Variants in TUBGCP3 observed in about 807,000 individuals in gnomAD.
TUBGCP3 encodes tubulin gamma complex component 3, also known as gamma-tubulin complex component 3.
In TUBGCP3, 50 loss-of-function variants were observed where a neutral mutation model predicts 123.1. The observed-to-expected ratio is 0.41, with a 90% CI of 0.32 to 0.51. The LOEUF (loss-of-function observed/expected upper bound fraction) is 0.51, where lower values mean the gene tolerates loss of function less well. TUBGCP3 is among the 20% of genes least tolerant of loss of function. The pLI is 0.36. For missense variants in TUBGCP3, 882 were observed against 1,127.0 expected (o/e 0.78, Z 3.11); for synonymous variants, 405 against 413.9 (o/e 0.98, Z 0.26).
intron 1 of TUBGCP3, among the ~76,000 whole-genome samples, chr13:112,577,095 A>C (rs1210906827): frequency 6.6e-6 from 1 of 152,216 alleles, no homozygotes; most frequent in African/African-American, 2.4e-5. Context: ...CTGATCTTAT[A>C]AAAATTTAAA....
At chr13:112,579,495 G>T (rs577895078) in intron 1 of TUBGCP3, among the ~76,000 whole-genome samples, 1 of 122,178 alleles carries the variant, frequency 8.2e-6, no homozygotes, top group Non-Finnish European at 1.7e-5. Flanking sequence ...CGGAGCTCTC[G>T]CACACTGCTG....
At chr13:112,506,837 G>A (rs993558071) in intron 17 of TUBGCP3, among the ~76,000 whole-genome samples, 6 of 152,286 alleles carry the variant, frequency 3.9e-5, no homozygotes, top group East Asian at 3.9e-4. Context: ...ATGTTCAGCC[G>A]TGTTATGGTT....
chr13:112,516,754 C>CA (rs2139049455), intron 16 of TUBGCP3, among the ~76,000 whole-genome samples, 179 bp from the exon 17 acceptor site: 1 of 152,216 alleles, frequency 6.6e-6, no homozygotes, highest in Admixed American at 6.5e-5. Context: ...GATGGGGAAA[C>CA]AGAGGCCTAA....
chr13:112,494,799 T>A (rs1232757751), intron 20 of TUBGCP3, among the ~76,000 whole-genome samples: 3 of 152,252 alleles, frequency 2.0e-5, no homozygotes, highest in African/African-American at 7.2e-5. Context: ...GTAGTTTTGA[T>A]CTGCATTTCT....
intron 2 of TUBGCP3, among the ~76,000 whole-genome samples, chr13:112,566,632 TATAA>T (rs1291059587): frequency 6.6e-6 from 1 of 152,212 alleles, no homozygotes; most frequent in Non-Finnish European, 1.5e-5. Flanking sequence ...ATTTACAACA[TATAA>T]ATAGACTCAA....
intron 5 of TUBGCP3, among the ~76,000 whole-genome samples, chr13:112,557,310 A>G (rs937912383): frequency 6.6e-6 from 1 of 152,356 alleles, no homozygotes; most frequent in South Asian, 2.1e-4. Flanking sequence ...CGTTTTCTTC[A>G]TAGAACACTA....
chr13:112,537,127 CTTTTTTTTTT>C (rs58140098), intron 11 of TUBGCP3, among the ~76,000 whole-genome samples: 1 of 78,128 alleles, frequency 1.3e-5, no homozygotes, highest in East Asian at 3.9e-4. Context: ...TACCTTTTTC[CTTTTTTTTTT>C]TTTTTTTTTT....
intron 11 of TUBGCP3, among the ~76,000 whole-genome samples, chr13:112,537,419 C>T (rs553422852): frequency 1.3e-5 from 2 of 152,070 alleles, no homozygotes; most frequent in East Asian, 3.9e-4. Context: ...TTTTTTCTTT[C>T]ACTGCCTTAG....
chr13:112,556,972 T>C (rs1880097980), intron 5 of TUBGCP3, among the ~76,000 whole-genome samples: 1 of 152,172 alleles, frequency 6.6e-6, no homozygotes, highest in Non-Finnish European at 1.5e-5. Flanking sequence ...GTGCCAGAGC[T>C]TGGATTTAGT....
At position 112,517,338 on chromosome 13, in the gene TUBGCP3, T is replaced by C. The variant is rs75882494; in HGVS notation, c.1951-763A>G. Among the ~76,000 whole-genome samples the C allele has an allele frequency of 2.8e-4, 42 of 152,318 alleles. No homozygotes were observed. In the East Asian group the frequency reaches 6.0e-3, roughly 22 times the overall value. ...CTACTAAAGTAGAGCTTTACAGACC[T>C]AAACATTCAACATTATTGCATTAGC... On this transcript the variant is annotated intron_variant, in intron 16 of 21. Coordinates refer to ENST00000261965, the MANE Select transcript of TUBGCP3 (RefSeq NM_006322.6).
chr13:112,565,706 A>G (rs1880901706), intron 2 of TUBGCP3, among the ~76,000 whole-genome samples: 1 of 152,224 alleles, frequency 6.6e-6, no homozygotes, highest in Non-Finnish European at 1.5e-5. Context: ...AGACCGAGGC[A>G]GGTGGATCAC....
chr13:112,551,206 T>A (rs181616053), intron 8 of TUBGCP3, among the ~76,000 whole-genome samples: 1 of 152,256 alleles, frequency 6.6e-6, no homozygotes, highest in African/African-American at 2.4e-5. Flanking sequence ...TTCTGAGAAG[T>A]CTACAACCAA....
intron 1 of TUBGCP3, among the ~76,000 whole-genome samples, chr13:112,580,966 T>C (rs1882236318): frequency 6.6e-6 from 1 of 151,934 alleles, no homozygotes; most frequent in African/African-American, 2.4e-5. Flanking sequence ...CCCCTTAGAG[T>C]GAATTATCCA....
chr13:112,551,144 T>C (rs994574613), intron 8 of TUBGCP3, among the ~76,000 whole-genome samples: 9 of 152,092 alleles, frequency 5.9e-5, no homozygotes, highest in Non-Finnish European at 1.0e-4. Context: ...AATCAAATCA[T>C]TATCCAACGT....
At chr13:112,543,274 T>C (rs1878683191) in intron 11 of TUBGCP3, among the ~76,000 whole-genome samples, 2 of 152,170 alleles carry the variant, frequency 1.3e-5, no homozygotes, top group Non-Finnish European at 2.9e-5. Flanking sequence ...TTTAGAAAGA[T>C]ACAGGCTCAC....
At position 112,527,478 on chromosome 13, in the gene TUBGCP3, C is replaced by CA. The variant is rs760887918; in HGVS notation, c.1341dup (p.Val448CysfsTer8). 1 of 1,611,338 alleles carries CA rather than the reference C, an allele frequency of 6.2e-7. No homozygotes were observed. The highest frequency in any genetic ancestry group is 1.1e-5 in the South Asian group (1 of 90,702). On this transcript the variant is annotated frameshift_variant, in exon 12 of 22. Transcript: ENST00000261965. LOFTEE classifies it high-confidence loss of function. ...GTTTTAACTGTTGGATCTGATGCTA[C>CA]AAAAAACTGAAAGCAAAGGGGCATG... is the stretch of plus-strand genomic sequence containing the variant.
chr13:112,539,559 A>G (rs1178031228), intron 11 of TUBGCP3, among the ~76,000 whole-genome samples: 1 of 152,260 alleles, frequency 6.6e-6, no homozygotes, highest in East Asian at 1.9e-4. Context: ...AGAGTATCTC[A>G]GGTGTAAAGA....
rs1467292901 is a variant in TUBGCP3 at position 112,572,979 on chromosome 13, C to G, written c.77-3720G>C. Reference sequence around the variant, plus strand: ...CTGTCCTCCACAAGGAAGCTCAGCACTGGGCAAATGCTGCCCTAGCCAAGA... The same window carrying G: ...CTGTCCTCCACAAGGAAGCTCAGCAGTGGGCAAATGCTGCCCTAGCCAAGA... On this transcript the variant is annotated intron_variant, in intron 1 of 21. Transcript: ENST00000261965. Among the ~76,000 whole-genome samples, 3 of 152,020 alleles carry G rather than the reference C, an allele frequency of 2.0e-5. No homozygotes were observed. In the East Asian group the frequency reaches 5.8e-4, roughly 29 times the overall value.
chr13:112,519,855 G>C lies in TUBGCP3; in HGVS notation c.1881+31C>G. On this transcript the variant is annotated intron_variant, in intron 15 of 21. Coordinates refer to ENST00000261965, the MANE Select transcript of TUBGCP3 (RefSeq NM_006322.6). The surrounding 1 kb of genome is among the most constrained non-coding windows in gnomAD (Gnocchi z 6.2). ...GGCCCAGTGGGTCCTCGGTGCCGGG[G>C]CGGCGTTCCCAACACGCAGAGCCGC... 1.2e-6 allele frequency: 2 copies of C among 1,604,142 alleles called. No individual in the cohort carries two copies. The highest frequency in any genetic ancestry group is 1.7e-6 in the Non-Finnish European group (2 of 1,173,456).
Sources: gnomAD v4.1 joint callset for allele counts (sites outside exome capture counted in the v4.1 genomes callset) on GRCh38, gnomAD v4.1.1 for gene constraint, Gnocchi (gnomAD v3.1) non-coding constraint, MANE v1.5 for transcripts, NCBI Gene and HGNC (gene_info 2026-07-23, HGNC 2026-07-21) for gene names.